TENM3: variants seen among roughly 807,000 people sequenced by gnomAD.
TENM3 encodes the protein teneurin transmembrane protein 3.
Under a neutral mutation model 255.1 loss-of-function variants are expected in TENM3, and 63 were observed. The ratio of observed to expected loss-of-function variants is 0.25; its 90% CI spans 0.20 to 0.30. TENM3 has a LOEUF of 0.30. Ranked by LOEUF, TENM3 falls within the 10% of genes least tolerant of loss-of-function variation. TENM3 has a pLI of 1.00. For synonymous variants in TENM3, 1,306 were observed against 1,322.3 expected (o/e 0.99, Z 0.27); for missense variants, 2,929 against 3,461.1 (o/e 0.85, Z 3.86).
At chr4:181,534,251 AC>A in the TENM3 span, among the ~76,000 whole-genome samples, 78 of 150,082 alleles carry the variant, frequency 5.2e-4, no homozygotes, top group Non-Finnish European at 7.9e-4. Flanking sequence ...AAAAAAAAAA[AC>A]AATTGCATTC....
At chr4:181,732,901 T>G in the TENM3 span, among the ~76,000 whole-genome samples, 1 of 152,190 alleles carries the variant, frequency 6.6e-6, no homozygotes, top group Non-Finnish European at 1.5e-5. Flanking sequence ...GTTAATTTAT[T>G]TCCAGGAGAT....
At chr4:182,458,319 A>T (rs192710009) in intron 3 of TENM3, among the ~76,000 whole-genome samples, 28 of 152,252 alleles carry the variant, frequency 1.8e-4, no homozygotes, top group African/African-American at 6.5e-4. Context: ...GGCTATTAAC[A>T]CATCAGAATG....
the TENM3 span, among the ~76,000 whole-genome samples, chr4:181,796,265 G>T: frequency 2.0e-5 from 3 of 152,060 alleles, no homozygotes; most frequent in African/African-American, 7.2e-5. Flanking sequence ...ACTAGGTCTC[G>T]GACCCAATCA....
upstream of TENM3, chr4:182,141,921 T>C (rs1579478220): frequency 1.3e-5 from 2 of 152,310 alleles, no homozygotes; most frequent in East Asian, 3.9e-4. Flanking sequence ...CTCTTTATTG[T>C]GTATTCGTAG....
the TENM3 span, among the ~76,000 whole-genome samples, chr4:181,895,800 C>T: frequency 6.6e-6 from 1 of 152,040 alleles, no homozygotes; most frequent in Admixed American, 6.6e-5. Context: ...CTGCCTTAGC[C>T]TCCCAAAGTG....
chr4:182,469,779 A>G (rs1732948192), intron 3 of TENM3, among the ~76,000 whole-genome samples: 1 of 151,670 alleles, frequency 6.6e-6, no homozygotes, highest in Non-Finnish European at 1.5e-5. Flanking sequence ...TCTCTCCATT[A>G]TACCAATAGT....
intron 24 of TENM3, among the ~76,000 whole-genome samples, chr4:182,786,589 G>A (rs922991967): frequency 1.5e-4 from 23 of 150,490 alleles, no homozygotes; most frequent in Admixed American, 1.5e-3. Flanking sequence ...TCAGATGCCC[G>A]AGCAGCATGG....
chr4:182,796,539 A>T, intron 26 of TENM3, 98 bp from the exon 27 acceptor site: 4 of 1,145,942 alleles, frequency 3.5e-6, no homozygotes, highest in Non-Finnish European at 4.8e-6. Context: ...TCAGATTATT[A>T]ATTGTGAAAT....
the TENM3 span, among the ~76,000 whole-genome samples, chr4:181,578,505 C>T: frequency 2.2e-4 from 33 of 152,262 alleles, 1 homozygote; most frequent in African/African-American, 7.0e-4. Context: ...CTGCCCGCTG[C>T]GGAGAGGCAC....
intron 3 of TENM3, among the ~76,000 whole-genome samples, chr4:182,486,417 G>T (rs1734726810): frequency 6.6e-6 from 1 of 151,974 alleles, no homozygotes; most frequent in African/African-American, 2.4e-5. Context: ...TTAACTGGCT[G>T]GATGGCCACA....
intron 3 of TENM3, among the ~76,000 whole-genome samples, chr4:182,402,330 T>C (rs1769266141): frequency 6.6e-6 from 1 of 152,184 alleles, no homozygotes. Context: ...TTTGGGAAAG[T>C]GTGAATTCCC....
At chr4:182,637,307 C>A (rs553961285) in intron 5 of TENM3, among the ~76,000 whole-genome samples, 1 of 152,190 alleles carries the variant, frequency 6.6e-6, no homozygotes, top group East Asian at 1.9e-4. Flanking sequence ...GTTTGTTGTT[C>A]CCACATCATC....
At chr4:181,947,286 A>T in the TENM3 span, among the ~76,000 whole-genome samples, 2 of 152,350 alleles carry the variant, frequency 1.3e-5, no homozygotes, top group Non-Finnish European at 1.5e-5. Flanking sequence ...TGCTATTTTT[A>T]AAAATGCAAA....
intron 1 of TENM3, among the ~76,000 whole-genome samples, chr4:182,290,844 A>G (rs190335246): frequency 7.7e-4 from 93 of 120,426 alleles, no homozygotes; most frequent in African/African-American, 2.6e-3. Context: ...AATTTGAGAC[A>G]GAGTCTTGCT....
At chr4:181,771,162 T>C in the TENM3 span, among the ~76,000 whole-genome samples, 1 of 152,214 alleles carries the variant, frequency 6.6e-6, no homozygotes, top group Non-Finnish European at 1.5e-5. Flanking sequence ...GGCCACAATA[T>C]GCTTTAATGT....
At chr4:182,071,655 T>C in the TENM3 span, among the ~76,000 whole-genome samples, 1 of 152,090 alleles carries the variant, frequency 6.6e-6, no homozygotes, top group African/African-American at 2.4e-5. Context: ...ATCTGATGCA[T>C]TTATATAATC....
At position 182,228,392 on chromosome 4, in the gene TENM3, G is replaced by GTGTGTGTGTA. The variant is rs139457090; in HGVS notation, c.-76+83639_-76+83640insGTGTGTGTAT. Reference sequence around the variant, plus strand: ...TGTGTGTGTGTGTGTGTGTGTGTGTGTATATGTAATCCCTCCCAGCTCTAA... The same window carrying GTGTGTGTGTA: ...TGTGTGTGTGTGTGTGTGTGTGTGTGTGTGTGTGTATATATGTAATCCCTCCCAGCTCTAA... On this transcript the variant is annotated intron_variant, in intron 1 of 2. Transcript: ENST00000512480. 1.0e-3 allele frequency among the ~76,000 whole-genome samples: 109 copies of GTGTGTGTGTA among 104,514 alleles called. 9 individuals carry two copies. The highest frequency in any genetic ancestry group is 4.7e-3 in the African/African-American group (105 of 22,472). 68.6% of individuals were successfully genotyped at this position (104,514 alleles called of 152,430 possible).
chr4:182,066,599 A>AAAATATATAT, the TENM3 span, among the ~76,000 whole-genome samples: 25 of 137,104 alleles, frequency 1.8e-4, no homozygotes, highest in Admixed American at 2.2e-4. Flanking sequence ...GTAAAAAAAA[A>AAAATATATAT]ATATATATAT....
At chr4:181,847,924 G>A in the TENM3 span, among the ~76,000 whole-genome samples, 3 of 152,224 alleles carry the variant, frequency 2.0e-5, no homozygotes, top group Non-Finnish European at 4.4e-5. Flanking sequence ...GCTCAGGACT[G>A]AAAAGACTAA....
Sources: allele counts gnomAD v4.1 joint callset (sites outside exome capture counted in the v4.1 genomes callset), GRCh38; gene constraint gnomAD v4.1.1; transcripts MANE v1.5; gene names NCBI Gene and HGNC (gene_info 2026-07-23, HGNC 2026-07-21).